USH2A: variants seen among roughly 807,000 people sequenced by gnomAD.
USH2A encodes usherin.
Under a neutral mutation model 538.9 loss-of-function variants are expected in USH2A, and 443 were observed. The observed-to-expected ratio is 0.82, with a 90% CI of 0.76 to 0.89. USH2A has a LOEUF of 0.89. USH2A is among the 40% of genes least tolerant of loss of function. The pLI is 0.00. For missense variants in USH2A, 6,633 were observed against 6,324.8 expected, an observed-to-expected ratio of 1.05 and a Z score of -1.65; for synonymous variants, 2,413 against 2,273.5, an observed-to-expected ratio of 1.06 and a Z score of -1.75.
At chr1:215,816,955 G>A (rs1267081145) in intron 48 of USH2A, 42 bp downstream of exon 48, 1 of 1,598,394 alleles carries the variant, frequency 6.3e-7, no homozygotes, top group South Asian at 1.1e-5. Context: ...GGAGTCTTGA[G>A]TGAGAAAAAC....
In USH2A at chr1:215,845,425, G is replaced by A. The variant is rs149893392; in HGVS notation, c.9055+399C>T. On this transcript the variant is annotated intron_variant, in intron 45 of 71. Transcript: ENST00000307340. ...TCACAGGCAATTTTTCTCAGTGGCT[G>A]AACTTCCACCTACCATTTCTGGTGA... 6.0e-4 allele frequency among the ~76,000 whole-genome samples: 92 copies of A among 152,156 alleles called. No individual in the cohort carries two copies. The East Asian group carries it at 7.0e-3, about 12-fold the overall frequency.
intron 21 of USH2A, among the ~76,000 whole-genome samples, chr1:216,117,226 G>C (rs1253892763): frequency 6.6e-6 from 1 of 152,018 alleles, no homozygotes; most frequent in Non-Finnish European, 1.5e-5. Context: ...CCTCCTTCCA[G>C]GCCAAGGAAT....
At chr1:215,851,607 T>A (rs1232761223) in intron 44 of USH2A, among the ~76,000 whole-genome samples, 4 of 152,094 alleles carry the variant, frequency 2.6e-5, no homozygotes, top group African/African-American at 7.2e-5. Flanking sequence ...TTCTATCAGA[T>A]GTTCAAAGAA....
At position 216,289,225 on chromosome 1, in the gene USH2A, A is replaced by G. The variant is rs1489583195; in HGVS notation, c.1971+55T>C. On this transcript the variant is annotated intron_variant, in intron 11 of 71. Transcript: ENST00000307340. Reference sequence around the variant, plus strand: ...ATTCTACTAGTGGAATAACATCCAAATAAGTTTCTGGCAGACAGAGTAATC... The same window carrying G: ...ATTCTACTAGTGGAATAACATCCAAGTAAGTTTCTGGCAGACAGAGTAATC... The G allele has an allele frequency of 3.1e-6, 5 of 1,612,192 alleles. No homozygotes were observed. In the East Asian group the frequency reaches 8.9e-5, roughly 29 times the overall value.
rs5780848 is a variant in USH2A, at chr1:215,717,631, AC to A, written c.12066+10398del. Among the ~76,000 whole-genome samples the A allele has an allele frequency of 9.7e-4, 148 of 152,356 alleles. 3 individuals carry two copies. Among genetic ancestry groups the A allele is most frequent in the Admixed American group, 8.4e-3 (129 of 15,300 alleles). On this transcript the variant is annotated intron_variant, in intron 61 of 71. Coordinates refer to ENST00000307340, the MANE Select transcript of USH2A (RefSeq NM_206933.4). ...TGTTTGTATCTGTTATAGCTTCTGG[AC>A]CAAGTAGATTCTCAAAAGAGAAATA...
At chr1:215,651,068 G>T (rs1571931433) in intron 64 of USH2A, among the ~76,000 whole-genome samples, 1 of 152,098 alleles carries the variant, frequency 6.6e-6, no homozygotes, top group East Asian at 1.9e-4. Context: ...GCAGCACGTT[G>T]ATTTAAGCCT....
At chr1:215,942,437 G>A (rs964047146) in intron 37 of USH2A, among the ~76,000 whole-genome samples, 2 of 152,156 alleles carry the variant, frequency 1.3e-5, no homozygotes, top group African/African-American at 4.8e-5. Flanking sequence ...AGGAGGTGGG[G>A]AAAGTCAGAT....
chr1:215,861,117 C>T (rs1302041063), intron 44 of USH2A, among the ~76,000 whole-genome samples: 2 of 152,120 alleles, frequency 1.3e-5, no homozygotes, highest in Admixed American at 6.5e-5. Context: ...CTTAGTTTTC[C>T]GAGCAGCATA....
At chr1:215,978,705 T>C (rs558509928) in intron 35 of USH2A, among the ~76,000 whole-genome samples, 1 of 152,152 alleles carries the variant, frequency 6.6e-6, no homozygotes, top group Non-Finnish European at 1.5e-5. Flanking sequence ...TACAGGACCC[T>C]CTAGCAGGGA....
rs1386887790 is a variant in USH2A, at chr1:216,207,417, G to T, written c.3172C>A (p.Pro1058Thr). ...CTTTGAACTTGTCCTCTGGGCGGAG[G>T]TTGCTGGAATGGAGCTAAATTACAA... is the stretch of plus-strand genomic sequence containing the variant. ...LGCSKTPFQQ[P>T]PPRGQVQSSS... Residue 1058 changes from proline to threonine, a missense_variant, in exon 16 of 72, where the codon CCT (proline) becomes ACT (threonine). Pro to Thr is a conservative substitution (Grantham distance 38). Coordinates refer to ENST00000307340, the MANE Select transcript of USH2A (RefSeq NM_206933.4). The T allele has an allele frequency of 2.5e-6, 4 of 1,613,902 alleles. No homozygotes were observed. The Admixed American group carries it at 6.7e-5, about 27-fold the overall frequency.
intron 61 of USH2A, 37 bp downstream of exon 61, chr1:215,727,993 T>A (rs572390256): frequency 1.3e-6 from 2 of 1,598,622 alleles, no homozygotes; most frequent in African/African-American, 1.3e-5. Context: ...ATTCACCAGA[T>A]AATCTGCATG....
chr1:215,938,878 C>A (rs1287795245), intron 37 of USH2A, among the ~76,000 whole-genome samples: 1 of 152,084 alleles, frequency 6.6e-6, no homozygotes, highest in African/African-American at 2.4e-5. Context: ...GGGGTTACCT[C>A]ATAAACATTC....
chr1:216,119,103 A>G (rs933173386), intron 21 of USH2A, among the ~76,000 whole-genome samples: 1 of 152,184 alleles, frequency 6.6e-6, no homozygotes, highest in Admixed American at 6.5e-5. Context: ...ATTCTGTTCC[A>G]TTTTATTTAT....
intron 55 of USH2A, among the ~76,000 whole-genome samples, chr1:215,778,849 T>A (rs1483168207): frequency 3.3e-5 from 5 of 152,236 alleles, no homozygotes; most frequent in African/African-American, 1.2e-4. Flanking sequence ...CTCAAAGTAT[T>A]CTTTTCTGTA....
At chr1:215,701,585 T>A (rs1244197739) in intron 61 of USH2A, among the ~76,000 whole-genome samples, 1 of 152,212 alleles carries the variant, frequency 6.6e-6, no homozygotes, top group African/African-American at 2.4e-5. Flanking sequence ...CCCTTCTATG[T>A]CTTTTTTGAT....
At chr1:215,781,574 A>G (rs950876968) in intron 54 of USH2A, among the ~76,000 whole-genome samples, 1 of 152,084 alleles carries the variant, frequency 6.6e-6, no homozygotes, top group African/African-American at 2.4e-5. Flanking sequence ...TCAGGTCTTC[A>G]TTATTTCTTG....
In USH2A at chr1:215,817,145, A is replaced by C. The variant is rs2102796508; in HGVS notation, c.9422T>G (p.Leu3141Arg). The C allele has an allele frequency of 6.2e-7, 1 of 1,612,848 alleles. No individual in the cohort carries two copies. The highest frequency in any genetic ancestry group is 1.3e-5 in the African/African-American group (1 of 74,982). The change falls in exon 48 of 72, where the codon CTT (leucine) becomes CGT (arginine). Residue 3141 changes from leucine (L) to arginine (R), a missense_variant. Physicochemically the swap from Leu to Arg is moderately radical, Grantham distance 102. Transcript: ENST00000307340. ...VSPRKPNGII[L>R]GYDLLWKTWY... Reference sequence around the variant, plus strand: ...TGTTTTCCATAGGAGATCATATCCAAGAATGATGCCATTTGGCTTCCGTGG... The same window carrying C: ...TGTTTTCCATAGGAGATCATATCCACGAATGATGCCATTTGGCTTCCGTGG...
intron 58 of USH2A, 49 bp from the exon 59 acceptor site, chr1:215,743,384 A>ATGTGTG: frequency 2.2e-6 from 1 of 449,578 alleles, no homozygotes; most frequent in African/African-American, 4.0e-5. Context: ...ATATATATAT[A>ATGTGTG]TATGTGTGTG....
chr1:216,317,852 CA>C (rs1006803699), intron 9 of USH2A, among the ~76,000 whole-genome samples: 1 of 151,334 alleles, frequency 6.6e-6, no homozygotes, highest in Admixed American at 6.6e-5. Flanking sequence ...GACTCCCTCT[CA>C]AAAAAATAAA....
Sources: allele counts gnomAD v4.1 joint callset (sites outside exome capture counted in the v4.1 genomes callset), GRCh38; gene constraint gnomAD v4.1.1; transcripts MANE v1.5; gene names NCBI Gene and HGNC (gene_info 2026-07-23, HGNC 2026-07-21).